Variants in TTC28 observed in about 807,000 individuals in gnomAD.
TTC28 encodes tetratricopeptide repeat protein 28.
TTC28 carries 61 observed loss-of-function variants against 198.0 expected under a neutral mutation model. The ratio of observed to expected loss-of-function variants is 0.31; its 90% confidence interval spans 0.25 to 0.38. The LOEUF (loss-of-function observed/expected upper bound fraction) is 0.38, where lower values mean the gene tolerates loss of function less well. TTC28 is among the 10% of genes least tolerant of loss of function. The pLI, the probability that TTC28 is intolerant of heterozygous loss-of-function variation, is 1.00. For missense variants in TTC28, 2,678 were observed against 3,164.0 expected (o/e 0.85, Z 3.69); for synonymous variants, 1,171 against 1,297.8 (o/e 0.90, Z 2.10).
chr22:28,594,683 C>T (rs985668146), intron 2 of TTC28, among the ~76,000 whole-genome samples: 3 of 152,108 alleles, frequency 2.0e-5, no homozygotes, highest in African/African-American at 7.2e-5. Context: ...CCCTAGATAT[C>T]ATTGCACTCC....
chr22:28,166,363 G>C (rs1209401415), intron 5 of TTC28, among the ~76,000 whole-genome samples: 1 of 152,128 alleles, frequency 6.6e-6, no homozygotes, highest in African/African-American at 2.4e-5. Context: ...CAAATCAACA[G>C]AATATACATT....
At chr22:28,138,248 T>C (rs1443048608) in intron 6 of TTC28, among the ~76,000 whole-genome samples, 1 of 152,186 alleles carries the variant, frequency 6.6e-6, no homozygotes, top group African/African-American at 2.4e-5. Flanking sequence ...GAAATCATTA[T>C]AATTTTGAGA....
At chr22:28,100,633 T>C (rs890404023) in intron 9 of TTC28, among the ~76,000 whole-genome samples, 1 of 152,196 alleles carries the variant, frequency 6.6e-6, no homozygotes, top group Non-Finnish European at 1.5e-5. Context: ...TCCTCTGCAG[T>C]CACCACTCAC....
intron 2 of TTC28, among the ~76,000 whole-genome samples, chr22:28,583,098 C>A (rs941336609): frequency 3.3e-5 from 5 of 152,112 alleles, no homozygotes; most frequent in Non-Finnish European, 4.4e-5. Flanking sequence ...TGTTGCCTAG[C>A]GATCTCAATG....
chr22:28,442,519 C>A (rs1465342195), intron 2 of TTC28, among the ~76,000 whole-genome samples: 1 of 152,232 alleles, frequency 6.6e-6, no homozygotes, highest in Non-Finnish European at 1.5e-5. Flanking sequence ...GTCAGGGGTG[C>A]AGCCTCAAAT....
At chr22:28,227,399 T>C (rs1455706972) in intron 5 of TTC28, among the ~76,000 whole-genome samples, 2 of 152,130 alleles carry the variant, frequency 1.3e-5, no homozygotes, top group East Asian at 3.9e-4. Context: ...CTGAACTTTA[T>C]CAAAATTAAT....
At chr22:28,254,094 ACTCC>A in intron 5 of TTC28, among the ~76,000 whole-genome samples, 1 of 147,010 alleles carries the variant, frequency 6.8e-6, no homozygotes, top group South Asian at 2.2e-4. Flanking sequence ...ACACAGTGAG[ACTCC>A]ATCTCAAAAA....
chr22:28,482,075 A>T (rs1347546368), intron 2 of TTC28, among the ~76,000 whole-genome samples: 2 of 152,076 alleles, frequency 1.3e-5, no homozygotes, highest in Non-Finnish European at 2.9e-5. Flanking sequence ...ACTATTTCTA[A>T]GTGTGTTCCG....
At chr22:28,086,809 T>TA (rs983535416) in intron 12 of TTC28, among the ~76,000 whole-genome samples, 49 of 151,794 alleles carry the variant, frequency 3.2e-4, no homozygotes, top group Non-Finnish European at 6.5e-4. Context: ...ATAGATGCAA[T>TA]AAAAAATGAT....
intron 2 of TTC28, among the ~76,000 whole-genome samples, chr22:28,375,600 C>T (rs2046397209): frequency 6.6e-6 from 1 of 152,152 alleles, no homozygotes; most frequent in South Asian, 2.1e-4. Context: ...ATAGCTCTTG[C>T]TTTTTAATAC....
intron 2 of TTC28, among the ~76,000 whole-genome samples, chr22:28,571,522 T>G (rs2146027113): frequency 6.6e-6 from 1 of 152,350 alleles, no homozygotes; most frequent in African/African-American, 2.4e-5. Context: ...GCAAATAATT[T>G]AAATTGTGAT....
At chr22:28,520,385 T>C (rs757198029) in intron 2 of TTC28, among the ~76,000 whole-genome samples, 2 of 152,304 alleles carry the variant, frequency 1.3e-5, no homozygotes, top group African/African-American at 4.8e-5. Flanking sequence ...ATCAACTGCA[T>C]ATGTATGAAT....
At chr22:28,276,400 A>G (rs748737781) in intron 5 of TTC28, among the ~76,000 whole-genome samples, 1 of 152,176 alleles carries the variant, frequency 6.6e-6, no homozygotes, top group Non-Finnish European at 1.5e-5. Flanking sequence ...ATAAAATTGT[A>G]TATCAAAGGA....
intron 2 of TTC28, among the ~76,000 whole-genome samples, chr22:28,473,029 A>G (rs979134494): frequency 6.6e-6 from 1 of 152,222 alleles, no homozygotes; most frequent in African/African-American, 2.4e-5. Flanking sequence ...AAAGAGCCTC[A>G]GCTAAAACAC....
intron 6 of TTC28, among the ~76,000 whole-genome samples, chr22:28,135,855 A>G (rs1048929459): frequency 6.6e-6 from 1 of 152,148 alleles, no homozygotes; most frequent in Non-Finnish European, 1.5e-5. Flanking sequence ...AACACAGTAG[A>G]TATATGAAAT....
intron 5 of TTC28, among the ~76,000 whole-genome samples, chr22:28,279,621 G>A (rs1011655983): frequency 6.6e-6 from 1 of 152,094 alleles, no homozygotes; most frequent in African/African-American, 2.4e-5. Flanking sequence ...CCACCCACCT[G>A]GGCCTCCCAA....
intron 2 of TTC28, among the ~76,000 whole-genome samples, chr22:28,377,534 A>G (rs925849903): frequency 6.6e-6 from 1 of 152,222 alleles, no homozygotes; most frequent in Non-Finnish European, 1.5e-5. Flanking sequence ...TGACAGAGCC[A>G]CAACTAGATC....
At chr22:28,013,203 G>A (rs1938226954) in intron 14 of TTC28, among the ~76,000 whole-genome samples, 1 of 152,226 alleles carries the variant, frequency 6.6e-6, no homozygotes, top group Non-Finnish European at 1.5e-5. Context: ...AGAGAGAGCT[G>A]CTGAAGGCCA....
rs558677804 is a variant in TTC28, at chr22:28,587,761, T to C, written c.381+41791A>G. On this transcript the variant is annotated intron_variant, in intron 2 of 22. Transcript: ENST00000397906. ...CATGCCTGGCCTCAATCCTCCTAATTAATACATTCAAAGTCAAATAGCTTT... is the reference window on the plus strand; with the variant it reads ...CATGCCTGGCCTCAATCCTCCTAATCAATACATTCAAAGTCAAATAGCTTT... Among the ~76,000 whole-genome samples the C allele has an allele frequency of 3.3e-5, 5 of 152,216 alleles. No individual in the cohort carries two copies. In the South Asian group the frequency reaches 1.0e-3, roughly 32 times the overall value.
Sources: allele counts gnomAD v4.1 joint callset (sites outside exome capture counted in the v4.1 genomes callset), GRCh38; gene constraint gnomAD v4.1.1; transcripts MANE v1.5; gene names NCBI Gene and HGNC (gene_info 2026-07-23, HGNC 2026-07-21).